Variants in SORBS2 observed in about 807,000 individuals in gnomAD.
The protein encoded by SORBS2 is sorbin and SH3 domain-containing protein 2.
SORBS2 carries 46 observed loss-of-function variants against 97.7 expected under a neutral mutation model. The ratio of observed to expected loss-of-function variants is 0.47; its 90% CI spans 0.37 to 0.60. SORBS2 has a LOEUF of 0.60. Among genes scored for constraint, SORBS2 ranks in the 20% least tolerant of loss-of-function variants. SORBS2 has a pLI of 0.00. For missense variants in SORBS2, 1,316 were observed against 1,282.3 expected, an observed-to-expected ratio of 1.03 and a Z score of -0.40; for synonymous variants, 476 against 473.4, an observed-to-expected ratio of 1.01 and a Z score of -0.07.
intron 1 of SORBS2, among the ~76,000 whole-genome samples, chr4:185,829,032 C>A (rs945415230): frequency 6.6e-6 from 1 of 152,178 alleles, no homozygotes; most frequent in Non-Finnish European, 1.5e-5. Context: ...TTTGGAACTG[C>A]GCTTTTTTTG....
chr4:185,677,342 A>T (rs369904366), intron 4 of SORBS2: 61 of 1,552,228 alleles, frequency 3.9e-5, no homozygotes, highest in Non-Finnish European at 2.6e-6. Context: ...CCTCTTGTAG[A>T]ACTGGGGTGT....
intron 2 of SORBS2, among the ~76,000 whole-genome samples, chr4:185,743,633 A>G (rs1394836657): frequency 6.6e-6 from 1 of 152,098 alleles, no homozygotes; most frequent in Non-Finnish European, 1.5e-5. Context: ...CCCAACTCCC[A>G]CAAATTCTAC....
At chr4:185,637,936 G>A in intron 4 of SORBS2, 143 bp downstream of exon 15, 1 of 612,040 alleles carries the variant, frequency 1.6e-6, no homozygotes, top group Non-Finnish European at 2.9e-6. Context: ...AATGAATCTG[G>A]ACTACGCTGT....
chr4:185,931,310 A>G (rs989032004), intron 1 of SORBS2, among the ~76,000 whole-genome samples: 1 of 152,166 alleles, frequency 6.6e-6, no homozygotes, highest in Non-Finnish European at 1.5e-5. Context: ...ACCTTGGAAA[A>G]GCTTATGGTC....
chr4:185,738,831 C>T (rs1475279926), intron 2 of SORBS2, among the ~76,000 whole-genome samples: 1 of 152,296 alleles, frequency 6.6e-6, no homozygotes, highest in Admixed American at 6.5e-5. Context: ...TCAAGTCTCC[C>T]TTTTTTTCAC....
At chr4:185,603,616 T>C (rs2096327878) in intron 12 of SORBS2, among the ~76,000 whole-genome samples, 1 of 152,154 alleles carries the variant, frequency 6.6e-6, no homozygotes, top group South Asian at 2.1e-4. Flanking sequence ...AAAGACTGAA[T>C]GTGAGGGTGA....
chr4:185,757,362 G>A (rs367981296), intron 2 of SORBS2: 14 of 154,280 alleles, frequency 9.1e-5, no homozygotes, highest in Non-Finnish European at 1.4e-4. Context: ...TGCCTTTACT[G>A]CTTTTCAAAT....
intron 4 of SORBS2, among the ~76,000 whole-genome samples, chr4:185,663,955 T>C (rs897177636): frequency 6.0e-5 from 9 of 149,630 alleles, no homozygotes; most frequent in Non-Finnish European, 1.2e-4. Flanking sequence ...CCCGGGTTCA[T>C]GTCATTCTCC....
At chr4:185,944,405 C>A (rs984723467) in intron 1 of SORBS2, among the ~76,000 whole-genome samples, 1 of 152,142 alleles carries the variant, frequency 6.6e-6, no homozygotes, top group African/African-American at 2.4e-5. Context: ...CAGTTCATTT[C>A]CAGAGATCAG....
chr4:185,938,389 T>TACACATACACACAC (rs1554055087), intron 1 of SORBS2, among the ~76,000 whole-genome samples: 1 of 136,440 alleles, frequency 7.3e-6, no homozygotes, highest in African/African-American at 2.8e-5. Context: ...TGTAGACACA[T>TACACATACACACAC]ACACACACAC....
chr4:185,657,462 G>A, upstream of SORBS2: 1 of 1,564,950 alleles, frequency 6.4e-7, no homozygotes, highest in East Asian at 2.4e-5. Flanking sequence ...TCATCCACGG[G>A]CCCGATCCCT....
intron 1 of SORBS2, among the ~76,000 whole-genome samples, chr4:185,868,009 G>T (rs927577713): frequency 2.0e-5 from 3 of 151,790 alleles, no homozygotes; most frequent in Admixed American, 6.6e-5. Flanking sequence ...CCCTTCCTTC[G>T]GGACATTCCC....
intron 2 of SORBS2, among the ~76,000 whole-genome samples, chr4:185,705,019 G>A (rs2098323348): frequency 1.3e-5 from 2 of 152,192 alleles, no homozygotes; most frequent in Admixed American, 6.5e-5. Context: ...GCAGATAAAC[G>A]TGAGAGAAAA....
intron 1 of SORBS2, among the ~76,000 whole-genome samples, chr4:185,953,178 A>G (rs926297535): frequency 4.6e-5 from 7 of 152,214 alleles, no homozygotes; most frequent in Admixed American, 1.3e-4. Context: ...AGCCAGGTGC[A>G]GGGGCGCACG....
At chr4:185,694,706 C>CTTTTTTTTTTTT (rs1200094039) in intron 2 of SORBS2, among the ~76,000 whole-genome samples, 2,918 of 123,500 alleles carry the variant, frequency 0.024, 190 homozygotes, top group East Asian at 0.031. Context: ...CCTTTTCTTT[C>CTTTTTTTTTTTT]TTTTCTTTTC....
chr4:185,683,212 C>A (rs1374877025), intron 2 of SORBS2, among the ~76,000 whole-genome samples: 2 of 144,128 alleles, frequency 1.4e-5, no homozygotes, highest in Non-Finnish European at 3.0e-5. Flanking sequence ...ATTTCATATT[C>A]CTAAAGTGTG....
At chr4:185,727,850 C>A (rs1255011453) in intron 2 of SORBS2, among the ~76,000 whole-genome samples, 1 of 152,112 alleles carries the variant, frequency 6.6e-6, no homozygotes, top group African/African-American at 2.4e-5. Flanking sequence ...TAATGTTTGT[C>A]CCTGAATCTG....
intron 2 of SORBS2, among the ~76,000 whole-genome samples, chr4:185,706,785 A>C (rs767931200): frequency 4.6e-5 from 7 of 152,200 alleles, no homozygotes; most frequent in African/African-American, 1.7e-4. Flanking sequence ...TAATGATATA[A>C]TGCTGCATAT....
At chr4:185,938,383 G>GAC (rs1445864893) in intron 1 of SORBS2, among the ~76,000 whole-genome samples, 14 of 91,398 alleles carry the variant, frequency 1.5e-4, no homozygotes, top group East Asian at 1.3e-3. Flanking sequence ...GAAAAATGTA[G>GAC]ACACATACAC....
Sources: gnomAD v4.1 joint callset for allele counts (sites outside exome capture counted in the v4.1 genomes callset) on GRCh38, gnomAD v4.1.1 for gene constraint, MANE v1.5 for transcripts, NCBI Gene and HGNC (gene_info 2026-07-23, HGNC 2026-07-21) for gene names.